SLC24A2: variants seen among roughly 807,000 people sequenced by gnomAD.
The protein encoded by SLC24A2 is sodium/potassium/calcium exchanger 2.
Under a neutral mutation model 62.0 loss-of-function variants are expected in SLC24A2, and 36 were observed. The observed-to-expected ratio is 0.58, with a 90% CI of 0.44 to 0.77. The LOEUF is 0.77. Ranked by LOEUF, SLC24A2 falls within the 30% of genes least tolerant of loss-of-function variation. The pLI, the probability that SLC24A2 is intolerant of heterozygous loss-of-function variation, is 0.00. For synonymous variants in SLC24A2, 358 were observed against 294.0 expected (o/e 1.22, Z -2.23); for missense variants, 846 against 817.9 (o/e 1.03, Z -0.42).
At chr9:20,216,923 G>C in the SLC24A2 span, among the ~76,000 whole-genome samples, 2 of 152,100 alleles carry the variant, frequency 1.3e-5, no homozygotes, top group African/African-American at 4.8e-5. Flanking sequence ...AACTTATGGA[G>C]GGTTCAGGCA....
the SLC24A2 span, among the ~76,000 whole-genome samples, chr9:20,094,838 G>A: frequency 2.0e-5 from 3 of 152,022 alleles, no homozygotes; most frequent in Non-Finnish European, 2.9e-5. Flanking sequence ...TATTTGAAAT[G>A]GTAAACCAGT....
chr9:19,857,023 T>C, the SLC24A2 span, among the ~76,000 whole-genome samples: 1 of 152,262 alleles, frequency 6.6e-6, no homozygotes, highest in South Asian at 2.1e-4. Context: ...TTTAACTTTA[T>C]TGTTAAACAT....
intron 2 of SLC24A2, among the ~76,000 whole-genome samples, chr9:19,623,608 G>A (rs1817962645): frequency 6.6e-6 from 1 of 152,132 alleles, no homozygotes; most frequent in Non-Finnish European, 1.5e-5. Flanking sequence ...TCAAAATCTT[G>A]CAAAGTGAAA....
intron 2 of SLC24A2, among the ~76,000 whole-genome samples, chr9:19,749,629 T>C (rs1193400755): frequency 6.6e-6 from 1 of 152,208 alleles, no homozygotes; most frequent in Non-Finnish European, 1.5e-5. Context: ...AAATTCAAGA[T>C]GCTCAGCTAA....
the SLC24A2 span, among the ~76,000 whole-genome samples, chr9:20,023,427 TA>T: frequency 2.0e-5 from 3 of 152,212 alleles, no homozygotes; most frequent in East Asian, 5.8e-4. Flanking sequence ...TGGTTACTGT[TA>T]ATAATTACCT....
the SLC24A2 span, among the ~76,000 whole-genome samples, chr9:20,090,219 G>A: frequency 6.6e-6 from 1 of 152,136 alleles, no homozygotes; most frequent in African/African-American, 2.4e-5. Flanking sequence ...AGGGCTGATT[G>A]TACTGAGTGA....
chr9:20,217,884 A>AACATCTTT, the SLC24A2 span, among the ~76,000 whole-genome samples: 4 of 152,152 alleles, frequency 2.6e-5, no homozygotes, highest in Non-Finnish European at 5.9e-5. Context: ...TGGAGCTTTC[A>AACATCTTT]ACATCTTTCA....
the SLC24A2 span, among the ~76,000 whole-genome samples, chr9:20,178,954 G>A: frequency 6.6e-6 from 1 of 152,028 alleles, no homozygotes; most frequent in Non-Finnish European, 1.5e-5. Flanking sequence ...GACCAGCTTG[G>A]GCTCAGAAAG....
intron 2 of SLC24A2, among the ~76,000 whole-genome samples, chr9:19,624,061 G>C (rs2117928806): frequency 6.6e-6 from 1 of 152,286 alleles, no homozygotes; most frequent in African/African-American, 2.4e-5. Context: ...CCTCTGAACG[G>C]CACTGTATGA....
chr9:19,801,386 G>C, the SLC24A2 span, among the ~76,000 whole-genome samples: 124,249 of 152,166 alleles, frequency 0.82, 51,922 homozygotes, highest in Non-Finnish European at 0.92. Flanking sequence ...CCTGCTGGAT[G>C]CCGAGGGATG....
the SLC24A2 span, among the ~76,000 whole-genome samples, chr9:19,803,448 T>G: frequency 1.3e-5 from 2 of 152,156 alleles, no homozygotes; most frequent in Non-Finnish European, 2.9e-5. Flanking sequence ...ATGAAATATA[T>G]TGACATAAAA....
the SLC24A2 span, among the ~76,000 whole-genome samples, chr9:20,158,937 A>G: frequency 1.3e-5 from 2 of 151,728 alleles, no homozygotes; most frequent in East Asian, 3.9e-4. Flanking sequence ...TCCTAGTAAA[A>G]CTATTGTTTT....
At chr9:19,716,696 C>A (rs1246419409) in intron 2 of SLC24A2, among the ~76,000 whole-genome samples, 2 of 152,196 alleles carry the variant, frequency 1.3e-5, no homozygotes, top group East Asian at 1.9e-4. Flanking sequence ...CTGACCCTTT[C>A]TTTCTTACAG....
At chr9:19,766,684 C>A (rs1020035052) in intron 2 of SLC24A2, among the ~76,000 whole-genome samples, 12 of 152,188 alleles carry the variant, frequency 7.9e-5, no homozygotes, top group African/African-American at 2.4e-4. Context: ...CAGAGGGGCA[C>A]CTGCCAGATG....
At chr9:19,775,416 G>A (rs115296795) in intron 2 of SLC24A2, among the ~76,000 whole-genome samples, 32 of 152,278 alleles carry the variant, frequency 2.1e-4, no homozygotes, top group African/African-American at 6.7e-4. Flanking sequence ...CTCTGCAATC[G>A]TTCTATCTCA....
chr9:19,629,088 T>C (rs985977221), intron 2 of SLC24A2, among the ~76,000 whole-genome samples: 1 of 152,182 alleles, frequency 6.6e-6, no homozygotes, highest in Admixed American at 6.5e-5. Flanking sequence ...ATAGGTATTA[T>C]AAACATATAC....
At chr9:19,959,239 G>A in the SLC24A2 span, among the ~76,000 whole-genome samples, 3 of 152,112 alleles carry the variant, frequency 2.0e-5, no homozygotes, top group African/African-American at 4.8e-5. Context: ...AAAAGACAAT[G>A]TACAAATAAA....
chr9:19,735,016 T>C (rs1821462527), intron 2 of SLC24A2, among the ~76,000 whole-genome samples: 1 of 152,074 alleles, frequency 6.6e-6, no homozygotes, highest in African/African-American at 2.4e-5. Flanking sequence ...AAATGGGATC[T>C]AATTAAACTA....
chr9:19,761,619 C>T (rs1822333210), intron 2 of SLC24A2, among the ~76,000 whole-genome samples: 1 of 152,070 alleles, frequency 6.6e-6, no homozygotes, highest in African/African-American at 2.4e-5. Context: ...TCTCCTAATG[C>T]TGTCCCTCCC....
Sources: allele counts gnomAD v4.1 joint callset (sites outside exome capture counted in the v4.1 genomes callset), GRCh38; gene constraint gnomAD v4.1.1; transcripts MANE v1.5; gene names NCBI Gene and HGNC (gene_info 2026-07-23, HGNC 2026-07-21).